Variants in PRR16 observed in about 807,000 individuals in gnomAD.
The protein encoded by PRR16 is proline rich 16.
In PRR16, 6 loss-of-function variants were observed where a neutral mutation model predicts 18.2. That is an observed-to-expected ratio of 0.33 (90% CI 0.18 to 0.65). The LOEUF is 0.65. PRR16 is among the 30% of genes least tolerant of loss of function. The pLI is 0.74. For missense variants in PRR16, 412 were observed against 376.6 expected, an observed-to-expected ratio of 1.09 and a Z score of -0.78; for synonymous variants, 151 against 147.8, an observed-to-expected ratio of 1.02 and a Z score of -0.16.
chr5:120,587,872 G>T (rs1267862381), intron 1 of PRR16, among the ~76,000 whole-genome samples: 1 of 152,106 alleles, frequency 6.6e-6, no homozygotes, highest in Non-Finnish European at 1.5e-5. Flanking sequence ...TTCTTCTGAT[G>T]GATATGGGAA....
chr5:120,495,125 T>C (rs1750201035), intron 1 of PRR16, among the ~76,000 whole-genome samples: 1 of 152,138 alleles, frequency 6.6e-6, no homozygotes, highest in African/African-American at 2.4e-5. Flanking sequence ...ATATCTACTA[T>C]ACTGCTGGAG....
the PRR16 span, among the ~76,000 whole-genome samples, chr5:120,789,500 A>AAGG: frequency 6.6e-6 from 1 of 152,140 alleles, no homozygotes; most frequent in Non-Finnish European, 1.5e-5. Context: ...TCTGGTAATA[A>AAGG]GTTTAAACTG....
intron 1 of PRR16, among the ~76,000 whole-genome samples, chr5:120,638,365 T>C (rs1018857657): frequency 2.0e-5 from 3 of 152,098 alleles, no homozygotes; most frequent in Non-Finnish European, 4.4e-5. Flanking sequence ...CAAACAGAAG[T>C]ATATCTAAAA....
At chr5:120,673,392 A>G (rs1247200480) in intron 1 of PRR16, among the ~76,000 whole-genome samples, 1 of 152,342 alleles carries the variant, frequency 6.6e-6, no homozygotes, top group African/African-American at 2.4e-5. Context: ...AAATGAAACC[A>G]GGTACTTTGG....
intron 1 of PRR16, among the ~76,000 whole-genome samples, chr5:120,599,643 A>G (rs1753918611): frequency 1.3e-5 from 2 of 151,788 alleles, no homozygotes; most frequent in Non-Finnish European, 2.9e-5. Context: ...CTAGATTAGC[A>G]TTCAATTTCT....
chr5:120,536,804 A>G (rs1267102699), intron 1 of PRR16, among the ~76,000 whole-genome samples: 1 of 152,254 alleles, frequency 6.6e-6, no homozygotes, highest in Non-Finnish European at 1.5e-5. Context: ...AATGTGATTG[A>G]TAATTATTTG....
chr5:120,725,776 C>G, the PRR16 span, among the ~76,000 whole-genome samples: 1 of 151,994 alleles, frequency 6.6e-6, no homozygotes, highest in South Asian at 2.1e-4. Context: ...CTTCTGAGAG[C>G]TTAGGGTCCT....
chr5:120,790,181 A>T, the PRR16 span: 1 of 151,786 alleles, frequency 6.6e-6, no homozygotes, highest in African/African-American at 2.4e-5. Context: ...CCTTGGGGGT[A>T]AAAAAAGCCA....
chr5:120,740,538 G>A, the PRR16 span, among the ~76,000 whole-genome samples: 2 of 152,094 alleles, frequency 1.3e-5, no homozygotes, highest in Non-Finnish European at 2.9e-5. Context: ...GACTATACAT[G>A]TGTGGGTCTA....
At chr5:120,652,208 AAAG>A (rs540287850) in intron 1 of PRR16, among the ~76,000 whole-genome samples, 5 of 152,056 alleles carry the variant, frequency 3.3e-5, no homozygotes, top group Non-Finnish European at 7.4e-5. Context: ...ATTCTATGGA[AAAG>A]AAATATTTGC....
intron 1 of PRR16, among the ~76,000 whole-genome samples, chr5:120,590,202 C>G (rs1250738523): frequency 1.3e-5 from 2 of 152,122 alleles, no homozygotes; most frequent in African/African-American, 4.8e-5. Flanking sequence ...AATCTCTCCC[C>G]AATTTGATCC....
the PRR16 span, among the ~76,000 whole-genome samples, chr5:120,692,376 A>G: frequency 1.2e-3 from 188 of 152,306 alleles, no homozygotes; most frequent in African/African-American, 4.2e-3. Flanking sequence ...TAGTCATTAA[A>G]AAGTAAAGAC....
intron 1 of PRR16, among the ~76,000 whole-genome samples, chr5:120,571,593 G>A (rs1752909321): frequency 6.6e-6 from 1 of 152,080 alleles, no homozygotes; most frequent in Non-Finnish European, 1.5e-5. Context: ...TTTGTAAAGA[G>A]AATGGAGAGA....
At chr5:120,737,346 G>A in the PRR16 span, among the ~76,000 whole-genome samples, 1 of 101,130 alleles carries the variant, frequency 9.9e-6, no homozygotes, top group African/African-American at 3.6e-5. Context: ...TTTATGAAAG[G>A]GTGTCAAATT....
In PRR16 at chr5:120,605,569, C is replaced by A. The variant is rs555714924; in HGVS notation, c.160-80385C>A. On this transcript the variant is annotated intron_variant, in intron 1 of 1. Coordinates refer to ENST00000407149, the MANE Select transcript of PRR16 (RefSeq NM_001300783.2). ...ATCATTGCTGCACAGCTAGTGTGGT[C>A]ACGTGGAGGTTAGAAGATACTCTGG... Among the ~76,000 whole-genome samples, 19 of 152,194 alleles carry A rather than the reference C, an allele frequency of 1.2e-4. No homozygotes were observed. The South Asian group carries it at 3.9e-3, about 32-fold the overall frequency.
At chr5:120,592,859 C>G (rs1753681014) in intron 1 of PRR16, among the ~76,000 whole-genome samples, 1 of 152,046 alleles carries the variant, frequency 6.6e-6, no homozygotes, top group Admixed American at 6.6e-5. Flanking sequence ...ATATATTACT[C>G]TTTTTTTAGA....
chr5:120,561,289 T>A (rs1441133936), intron 1 of PRR16, among the ~76,000 whole-genome samples: 1 of 152,034 alleles, frequency 6.6e-6, no homozygotes, highest in African/African-American at 2.4e-5. Context: ...TTTCACTGTA[T>A]CCCATAGGTT....
At chr5:120,788,435 A>G in the PRR16 span, among the ~76,000 whole-genome samples, 3 of 152,086 alleles carry the variant, frequency 2.0e-5, no homozygotes, top group African/African-American at 7.2e-5. Flanking sequence ...ACATTTGTGG[A>G]AAGTCGGCTT....
At chr5:120,566,107 C>T (rs1022504673) in intron 1 of PRR16, among the ~76,000 whole-genome samples, 13 of 152,150 alleles carry the variant, frequency 8.5e-5, no homozygotes, top group African/African-American at 3.1e-4. Context: ...TTGAGGGCTC[C>T]TTTCTCATGA....
Sources: gnomAD v4.1 joint callset for allele counts (sites outside exome capture counted in the v4.1 genomes callset) on GRCh38, gnomAD v4.1.1 for gene constraint, MANE v1.5 for transcripts, NCBI Gene and HGNC (gene_info 2026-07-23, HGNC 2026-07-21) for gene names.